Variants in COL8A1 observed in about 807,000 individuals in gnomAD.
COL8A1 encodes the protein collagen alpha-1(VIII) chain.
In COL8A1, 21 loss-of-function variants were observed where a neutral mutation model predicts 42.7. The ratio of observed to expected loss-of-function variants is 0.49; its 90% confidence interval spans 0.35 to 0.71. The LOEUF (loss-of-function observed/expected upper bound fraction) is 0.71. Among genes scored for constraint, COL8A1 ranks in the 30% least tolerant of loss-of-function variants. The pLI, the probability that COL8A1 is intolerant of heterozygous loss-of-function variation, is 0.01. For missense variants in COL8A1, 788 were observed against 962.4 expected, an observed-to-expected ratio of 0.82 and a Z score of 2.40; for synonymous variants, 367 against 369.1, an observed-to-expected ratio of 0.99 and a Z score of 0.06.
intron 1 of COL8A1, among the ~76,000 whole-genome samples, chr3:99,677,346 T>C (rs1469149228): frequency 6.6e-6 from 1 of 152,116 alleles, no homozygotes; most frequent in African/African-American, 2.4e-5. Flanking sequence ...ATCTGTTAGC[T>C]TCTAGATTTC....
chr3:99,648,540 C>A (rs1937728673), intron 1 of COL8A1, among the ~76,000 whole-genome samples: 2 of 151,582 alleles, frequency 1.3e-5, no homozygotes, highest in African/African-American at 4.9e-5. Flanking sequence ...AAAGAAAAAA[C>A]AAACAAACAA....
intron 2 of COL8A1, among the ~76,000 whole-genome samples, chr3:99,772,604 T>C (rs569553658): frequency 1.1e-4 from 16 of 152,304 alleles, no homozygotes; most frequent in African/African-American, 3.6e-4. Flanking sequence ...CCTGTAAACC[T>C]AAAACTGCTC....
intron 1 of COL8A1, among the ~76,000 whole-genome samples, chr3:99,650,977 C>T (rs58899534): frequency 0.056 from 8,576 of 152,210 alleles, 311 homozygotes; most frequent in East Asian, 0.22. Flanking sequence ...CAATGCATTG[C>T]CTGACTACAG....
intron 1 of COL8A1, among the ~76,000 whole-genome samples, chr3:99,708,766 T>A (rs1426054661): frequency 6.6e-6 from 1 of 152,156 alleles, no homozygotes; most frequent in African/African-American, 2.4e-5. Context: ...ACACCAAATT[T>A]TGCTTATAAA....
intron 1 of COL8A1, among the ~76,000 whole-genome samples, chr3:99,699,046 G>A (rs1939458053): frequency 6.6e-6 from 1 of 152,198 alleles, no homozygotes; most frequent in Admixed American, 6.5e-5. Flanking sequence ...TGGTAGAATA[G>A]TTATAGGCTA....
intron 1 of COL8A1, among the ~76,000 whole-genome samples, chr3:99,648,185 A>G (rs1156671880): frequency 1.3e-5 from 2 of 152,116 alleles, no homozygotes; most frequent in African/African-American, 2.4e-5. Flanking sequence ...CTAAGCCTCC[A>G]CTCGTTAAGC....
At chr3:99,646,611 G>A (rs113365330) in intron 1 of COL8A1, among the ~76,000 whole-genome samples, 1 of 152,052 alleles carries the variant, frequency 6.6e-6, no homozygotes, top group Non-Finnish European at 1.5e-5. Flanking sequence ...CAATAACTAG[G>A]AAGGGCTCAA....
chr3:99,695,420 T>C (rs912056661), intron 1 of COL8A1, among the ~76,000 whole-genome samples: 5 of 152,212 alleles, frequency 3.3e-5, no homozygotes, highest in African/African-American at 1.2e-4. Flanking sequence ...CTCTTGTTTT[T>C]TGTATCAAAA....
intron 1 of COL8A1, among the ~76,000 whole-genome samples, chr3:99,700,236 G>C: frequency 6.6e-6 from 1 of 151,872 alleles, no homozygotes; most frequent in Non-Finnish European, 1.5e-5. Flanking sequence ...TGAAATGCAC[G>C]TATACCTATG....
At chr3:99,777,744 G>A (rs1301175940) in intron 2 of COL8A1, among the ~76,000 whole-genome samples, 1 of 152,124 alleles carries the variant, frequency 6.6e-6, no homozygotes, top group Non-Finnish European at 1.5e-5. Context: ...AAAGCAAAAC[G>A]AAGGAAAATT....
chr3:99,748,810 T>C (rs1414301025), intron 2 of COL8A1, among the ~76,000 whole-genome samples: 1 of 152,224 alleles, frequency 6.6e-6, no homozygotes, highest in East Asian at 1.9e-4. Flanking sequence ...GCTTCATTAG[T>C]TGATGCCCCA....
chr3:99,735,319 C>G (rs201611353), intron 1 of COL8A1, among the ~76,000 whole-genome samples: 1 of 78,808 alleles, frequency 1.3e-5, no homozygotes, highest in Non-Finnish European at 2.4e-5. Flanking sequence ...TTTTGAAATA[C>G]GTCCCATCAA....
chr3:99,775,916 A>C (rs1038700184), intron 2 of COL8A1, among the ~76,000 whole-genome samples: 1 of 152,222 alleles, frequency 6.6e-6, no homozygotes, highest in African/African-American at 2.4e-5. Context: ...AGATCCCTCC[A>C]AAAGAGGCAC....
At chr3:99,741,930 T>A (rs1940910160) in intron 1 of COL8A1, among the ~76,000 whole-genome samples, 1 of 152,218 alleles carries the variant, frequency 6.6e-6, no homozygotes, top group South Asian at 2.1e-4. Context: ...TAACATTTTT[T>A]AAGGAATAAA....
intron 1 of COL8A1, chr3:99,685,285 A>T (rs1939016605): frequency 1.3e-5 from 2 of 152,148 alleles, no homozygotes; most frequent in Admixed American, 1.3e-4. Flanking sequence ...TATGCCCCAA[A>T]TCTTAATATC....
intron 1 of COL8A1, among the ~76,000 whole-genome samples, chr3:99,737,483 T>C (rs1339203759): frequency 1.3e-5 from 2 of 152,156 alleles, no homozygotes; most frequent in East Asian, 1.9e-4. Flanking sequence ...CCTTCACTTA[T>C]GAAGCTTAGT....
At chr3:99,687,059 G>T (rs930093411) in intron 1 of COL8A1, among the ~76,000 whole-genome samples, 2 of 151,884 alleles carry the variant, frequency 1.3e-5, no homozygotes, top group African/African-American at 4.8e-5. Context: ...GCCCAGGCTG[G>T]TCTTGAACTC....
chr3:99,744,728 G>A (rs1206940117), intron 1 of COL8A1, among the ~76,000 whole-genome samples, 169 bp from the exon 2 acceptor site: 11 of 152,094 alleles, frequency 7.2e-5, no homozygotes, highest in Non-Finnish European at 1.5e-4. Flanking sequence ...TATACAATTT[G>A]TTGTTTATTT....
At chr3:99,771,470 T>C (rs1941579652) in intron 2 of COL8A1, among the ~76,000 whole-genome samples, 1 of 152,206 alleles carries the variant, frequency 6.6e-6, no homozygotes, top group Non-Finnish European at 1.5e-5. Flanking sequence ...TGGAGGTCTA[T>C]AATGACCATC....
Sources: gnomAD v4.1 joint callset for allele counts (sites outside exome capture counted in the v4.1 genomes callset) on GRCh38, gnomAD v4.1.1 for gene constraint, MANE v1.5 for transcripts, NCBI Gene and HGNC (gene_info 2026-07-23, HGNC 2026-07-21) for gene names.